Variants in UIMC1 observed in about 807,000 individuals in gnomAD.
UIMC1 encodes the protein BRCA1-A complex subunit RAP80.
A neutral mutation model predicts 84.9 loss-of-function variants in UIMC1; 42 were observed. The ratio of observed to expected loss-of-function variants is 0.49; its 90% CI spans 0.39 to 0.64. The LOEUF is 0.64. UIMC1 is among the 30% of genes least tolerant of loss of function. UIMC1 has a pLI of 0.00. For synonymous variants in UIMC1, 281 were observed against 293.0 expected, an observed-to-expected ratio of 0.96 and a Z score of 0.42; for missense variants, 825 against 847.6, an observed-to-expected ratio of 0.97 and a Z score of 0.33.
chr5:176,964,726 A>AT (rs1055588739), intron 6 of UIMC1, among the ~76,000 whole-genome samples: 4 of 152,148 alleles, frequency 2.6e-5, no homozygotes, highest in Non-Finnish European at 5.9e-5. Context: ...TCTCCAAGTG[A>AT]TTTTTTTATT....
chr5:177,010,328 C>T (rs77549394), upstream of UIMC1, among the ~76,000 whole-genome samples: 3 of 152,232 alleles, frequency 2.0e-5, no homozygotes, highest in Non-Finnish European at 4.4e-5. Context: ...AGAATAGAAA[C>T]TTTATTTTGT....
intron 12 of UIMC1, 109 bp downstream of exon 12, chr5:176,908,414 A>G: frequency 9.1e-7 from 1 of 1,097,532 alleles, no homozygotes; most frequent in Non-Finnish European, 1.2e-6. Context: ...CAAGATAAAT[A>G]GAGGGAAGAG....
intron 1 of UIMC1, among the ~76,000 whole-genome samples, chr5:177,015,531 C>T (rs980215119): frequency 6.6e-6 from 1 of 152,214 alleles, no homozygotes; most frequent in African/African-American, 2.4e-5. Flanking sequence ...CAAACTGTCA[C>T]TGCAGTGATG....
chr5:176,937,196 C>G (rs1433228712), intron 10 of UIMC1, among the ~76,000 whole-genome samples: 1 of 152,166 alleles, frequency 6.6e-6, no homozygotes, highest in Non-Finnish European at 1.5e-5. Context: ...CAAACATTAC[C>G]TTTAAAGAGC....
chr5:176,963,225 A>C (rs1302926953), intron 6 of UIMC1, among the ~76,000 whole-genome samples: 1 of 151,794 alleles, frequency 6.6e-6, no homozygotes, highest in Non-Finnish European at 1.5e-5. Context: ...TTTAATACTT[A>C]AAAGTGAAAA....
chr5:176,958,909 G>C (rs552806293), intron 6 of UIMC1, among the ~76,000 whole-genome samples: 17 of 152,254 alleles, frequency 1.1e-4, no homozygotes, highest in Non-Finnish European at 2.5e-4. Flanking sequence ...GCCTTAGGCA[G>C]ACTTCTGAGG....
chr5:176,969,243 C>T lies in UIMC1; in HGVS notation c.512G>A (p.Ser171Asn). The change falls in exon 6 of 15, where the codon AGT becomes AAT. Residue 171 changes from serine to asparagine, a missense_variant. Physicochemically the swap from Ser to Asn is conservative, Grantham distance 46. Transcript: ENST00000511320. ...PPSLFKGSHI[S>N]QGNEAEEREE... ...TCTTTCCTCAGCCTCGTTTCCCTGA[C>T]TGATATGTGAGCCTTTAAACAGTGA... is the stretch of plus-strand genomic sequence containing the variant. 6.2e-7 allele frequency: 1 copy of T among 1,614,186 alleles called. No homozygotes were observed. Among genetic ancestry groups the T allele is most frequent in the East Asian group, 2.2e-5 (1 of 44,882 alleles).
chr5:177,006,569 G>A (rs1402855482), intron 1 of UIMC1, 81 bp downstream of exon 1: 2 of 152,350 alleles, frequency 1.3e-5, no homozygotes, highest in African/African-American at 4.8e-5. Flanking sequence ...CTCCCGGAGA[G>A]TAGCGGGCCG....
chr5:176,947,792 G>C (rs533992529), intron 9 of UIMC1, among the ~76,000 whole-genome samples: 5 of 151,604 alleles, frequency 3.3e-5, no homozygotes, highest in South Asian at 4.2e-4. Flanking sequence ...CTCCAGCCTA[G>C]GCAACAGGGT....
At chr5:176,984,144 G>A (rs1483703561) in intron 1 of UIMC1, among the ~76,000 whole-genome samples, 15 of 120,048 alleles carry the variant, frequency 1.2e-4, no homozygotes, top group Non-Finnish European at 2.0e-4. Flanking sequence ...GCCTCTGCCC[G>A]GCCGCCCTGT....
Position 176,968,706 on chromosome 5 carries a change from G to A in UIMC1, c.1049C>T (p.Ser350Leu), listed in dbSNP as rs1768699157. The A allele has an allele frequency of 1.9e-6, 3 of 1,614,076 alleles. No homozygotes were observed. Among genetic ancestry groups the A allele is most frequent in the Non-Finnish European group, 2.5e-6 (3 of 1,180,032 alleles). The change falls in exon 6 of 15, where the codon TCA becomes TTA. Residue 350 changes from serine (S) to leucine (L), a missense_variant. Coordinates refer to ENST00000511320, the MANE Select transcript of UIMC1 (RefSeq NM_001199298.2). The stretch of plus-strand genomic sequence containing the variant: ...TTTGTCTTCATCTCCCATATCTTCT[G>A]AGATGCATTCATTTTTCTCACTAGC... ...EQASEKNECI[S>L]EDMGDEDKEE...
At chr5:177,005,435 A>C (rs1300167423) in intron 1 of UIMC1, among the ~76,000 whole-genome samples, 1 of 152,022 alleles carries the variant, frequency 6.6e-6, no homozygotes, top group African/African-American at 2.4e-5. Flanking sequence ...TAAAAAGGTA[A>C]ATGCATACCT....
Position 176,968,740 on chromosome 5 carries a change from C to T in UIMC1, c.1015G>A (p.Gly339Arg). The change falls in exon 6 of 15, where the codon GGA (glycine) becomes AGA (arginine). Residue 339 changes from glycine to arginine, a missense_variant. Coordinates refer to ENST00000511320, the MANE Select transcript of UIMC1 (RefSeq NM_001199298.2). ...TCATTTTTCTCACTAGCCTGCTCTCCTTGGCCACATTCATTCTGGATCAGA... is the reference window on the plus strand; with the variant it reads ...TCATTTTTCTCACTAGCCTGCTCTCTTTGGCCACATTCATTCTGGATCAGA... ...PSLIQNECGQ[G>R]EQASEKNECI... The T allele has an allele frequency of 6.2e-7, 1 of 1,614,166 alleles. No homozygotes were observed. Among genetic ancestry groups the T allele is most frequent in the South Asian group, 1.1e-5 (1 of 91,086 alleles).
At chr5:176,966,881 T>C (rs953000105) in intron 6 of UIMC1, among the ~76,000 whole-genome samples, 2 of 152,148 alleles carry the variant, frequency 1.3e-5, no homozygotes, top group African/African-American at 2.4e-5. Context: ...AAAATGATCA[T>C]AAGATCTAAC....
At chr5:177,022,334 CT>C (rs1775895760) in intron 1 of UIMC1, 1 of 183,530 alleles carries the variant, frequency 5.4e-6, no homozygotes, top group Non-Finnish European at 1.1e-5. Flanking sequence ...TGTACTACTA[CT>C]TACTAGTAGC....
At chr5:176,909,992 T>G (rs926429059) in intron 11 of UIMC1, among the ~76,000 whole-genome samples, 1 of 152,212 alleles carries the variant, frequency 6.6e-6, no homozygotes, top group African/African-American at 2.4e-5. Flanking sequence ...GCACAATGAC[T>G]GGCACATAAT....
chr5:176,927,007 T>C (rs1762452437), intron 10 of UIMC1, among the ~76,000 whole-genome samples: 1 of 152,108 alleles, frequency 6.6e-6, no homozygotes, highest in Admixed American at 6.5e-5. Context: ...AAATAAGAGT[T>C]ACTGCATAAG....
At chr5:176,983,953 C>T (rs1449679516) in intron 1 of UIMC1, among the ~76,000 whole-genome samples, 2 of 146,990 alleles carry the variant, frequency 1.4e-5, no homozygotes, top group South Asian at 2.2e-4. Flanking sequence ...AGTGCCTCTG[C>T]CCAGCCGCCC....
intron 8 of UIMC1, among the ~76,000 whole-genome samples, chr5:176,953,126 T>C (rs1306407348): frequency 1.3e-5 from 2 of 152,150 alleles, no homozygotes; most frequent in Non-Finnish European, 2.9e-5. Flanking sequence ...CGGGAAGTTG[T>C]CTGGCTCTCA....
Sources: gnomAD v4.1 joint callset for allele counts (sites outside exome capture counted in the v4.1 genomes callset) on GRCh38, gnomAD v4.1.1 for gene constraint, MANE v1.5 for transcripts, NCBI Gene and HGNC (gene_info 2026-07-23, HGNC 2026-07-21) for gene names.